Variants in EFTUD2 observed in about 807,000 individuals in gnomAD.
The protein encoded by EFTUD2 is 116 kDa U5 small nuclear ribonucleoprotein component.
EFTUD2 carries 9 observed loss-of-function variants against 114.3 expected under a neutral mutation model. That is an observed-to-expected ratio of 0.08 (90% CI 0.05 to 0.14). The LOEUF (loss-of-function observed/expected upper bound fraction) is 0.14. Among genes scored for constraint, EFTUD2 ranks in the 10% least tolerant of loss-of-function variants. EFTUD2 has a pLI of 1.00. For synonymous variants in EFTUD2, 449 were observed against 462.3 expected (o/e 0.97, Z 0.37); for missense variants, 765 against 1,241.2 (o/e 0.62, Z 5.76).
intron 19 of EFTUD2, among the ~76,000 whole-genome samples, 200 bp downstream of exon 19, chr17:44,858,880 G>A (rs1277123202): frequency 6.6e-6 from 1 of 152,090 alleles, no homozygotes; most frequent in Admixed American, 6.6e-5. Flanking sequence ...AAGCACGGCT[G>A]AGCCTTGATT....
At chr17:44,883,014 G>A in intron 6 of EFTUD2, 79 bp downstream of exon 6, 1 of 1,395,800 alleles carries the variant, frequency 7.2e-7, no homozygotes, top group Non-Finnish European at 1.0e-6. Flanking sequence ...AGAACAGGAA[G>A]GGTGAAGGAA....
intron 4 of EFTUD2, 29 bp from the exon 5 acceptor site, chr17:44,883,753 G>C: frequency 6.2e-7 from 1 of 1,610,984 alleles, no homozygotes. Flanking sequence ...AGAGAAAAGA[G>C]AGATTGGCAA....
chr17:44,873,970 A>G (rs1390379771), intron 10 of EFTUD2, among the ~76,000 whole-genome samples: 1 of 147,914 alleles, frequency 6.8e-6, no homozygotes, highest in Non-Finnish European at 1.5e-5. Flanking sequence ...TCCTGACCTC[A>G]TGATCCGCCC....
intron 4 of EFTUD2, 128 bp downstream of exon 4, chr17:44,885,128 A>G (rs1036705166): frequency 1.4e-6 from 1 of 706,032 alleles, no homozygotes; most frequent in African/African-American, 1.8e-5. Flanking sequence ...ACACAAGCTG[A>G]AGGAGAATTT....
chr17:44,854,441 G>A lies in EFTUD2; in HGVS notation c.2260-85C>T. The A allele has an allele frequency of 4.4e-6, 7 of 1,578,610 alleles. No homozygotes were observed. The highest frequency in any genetic ancestry group is 6.1e-6 in the Non-Finnish European group (7 of 1,157,012). On this transcript the variant is annotated intron_variant, in intron 22 of 27. Transcript: ENST00000426333. The surrounding 1 kb of genome is among the most constrained non-coding windows in gnomAD (Gnocchi z 4.3). ...GGGAGAAGACAGATGTGCCTGTAAG[G>A]GGATACTGTCCTTCACCAGAGGACA... is the stretch of plus-strand genomic sequence containing the variant.
chr17:44,859,773 T>G (rs2050622395), intron 18 of EFTUD2, 132 bp downstream of exon 18: 1 of 1,436,234 alleles, frequency 7.0e-7, no homozygotes, highest in Non-Finnish European at 9.5e-7. Flanking sequence ...AGCCATAGGC[T>G]GGGCTTGCTC....
At chr17:44,876,326 T>C (rs2050948406) in intron 9 of EFTUD2, among the ~76,000 whole-genome samples, 1 of 152,086 alleles carries the variant, frequency 6.6e-6, no homozygotes, top group African/African-American at 2.4e-5. Context: ...TGAACAATGA[T>C]GTTGGGAGCC....
At chr17:44,866,752 A>G (rs1198718080) in intron 13 of EFTUD2, among the ~76,000 whole-genome samples, 3 of 152,204 alleles carry the variant, frequency 2.0e-5, no homozygotes, top group Non-Finnish European at 4.4e-5. Context: ...CAGATTAATG[A>G]GCATAACTGA....
chr17:44,856,298 G>T (rs2050551904), intron 20 of EFTUD2, among the ~76,000 whole-genome samples: 1 of 149,320 alleles, frequency 6.7e-6, no homozygotes, highest in Non-Finnish European at 1.5e-5. Context: ...GGAGGCCGAG[G>T]CGGGCGGACT....
chr17:44,853,183 T>G, intron 25 of EFTUD2, 113 bp downstream of exon 25: 1 of 1,101,508 alleles, frequency 9.1e-7, no homozygotes, highest in Non-Finnish European at 1.3e-6. Context: ...CTCTCGGGGT[T>G]TCCAGAGAGA....
chr17:44,853,779 C>G, intron 23 of EFTUD2, 144 bp from the exon 24 acceptor site: 1 of 1,477,910 alleles, frequency 6.8e-7, no homozygotes, highest in Non-Finnish European at 9.0e-7. Context: ...GGTGGGCGTT[C>G]TAACTGAATA....
In EFTUD2 at chr17:44,854,838, T is replaced by C. The variant is rs1567729328; in HGVS notation, c.2132+80A>G. The C allele has an allele frequency of 1.9e-6, 3 of 1,565,138 alleles. No individual in the cohort carries two copies. The highest frequency in any genetic ancestry group is 1.1e-5 in the South Asian group (1 of 89,976). ...AAGACATAAATGCTCCCCAGAAAGA[T>C]GTGTGCTCTTAGAGACCCGGCAGTT... On this transcript the variant is annotated intron_variant, in intron 21 of 27. Transcript: ENST00000426333. This position sits in a 1 kb window ranked among gnomAD's most constrained non-coding sequence, Gnocchi z 4.3.
chr17:44,852,442 T>C lies in EFTUD2; in HGVS notation c.2682A>G (p.Gln894=). 6.2e-7 allele frequency: 1 copy of C among 1,614,060 alleles called. No individual in the cohort carries two copies. Among genetic ancestry groups the C allele is most frequent in the Non-Finnish European group, 8.5e-7 (1 of 1,180,004 alleles). ...GGTGGAAGACAGACAGAGAAAAGGC[T>C]TGTCCCTGGGTGTGAGTCCGGAGAT... ...ETDLRTHTQG[Q]AFSLSVFHHW... Residue 894 remains glutamine, a synonymous_variant, in exon 26 of 28, where the codon CAA becomes CAG. Transcript: ENST00000426333.
rs374723166 is a variant in EFTUD2, at chr17:44,879,500, G to A, written c.702+56C>T. On this transcript the variant is annotated intron_variant, in intron 9 of 27. Coordinates refer to ENST00000426333, the MANE Select transcript of EFTUD2 (RefSeq NM_004247.4). ...CACTCAGTGCTCTGGGTATTGTTGCGGGGTGGGGGCAAACATAACAGGTGG... is the reference window on the plus strand; with the variant it reads ...CACTCAGTGCTCTGGGTATTGTTGCAGGGTGGGGGCAAACATAACAGGTGG... The A allele has an allele frequency of 7.5e-5, 118 of 1,564,098 alleles. No homozygotes were observed. The Middle Eastern group carries it at 1.2e-3, about 16-fold the overall frequency.
chr17:44,883,919 C>T, intron 4 of EFTUD2, 195 bp from the exon 5 acceptor site: 2 of 599,392 alleles, frequency 3.3e-6, no homozygotes, highest in South Asian at 4.0e-5. Context: ...AGAGGTAACA[C>T]AATCTGTGAA....
chr17:44,855,245 G>C (rs1381778878), intron 20 of EFTUD2, among the ~76,000 whole-genome samples: 2 of 152,112 alleles, frequency 1.3e-5, no homozygotes, highest in African/African-American at 4.8e-5. Flanking sequence ...CTCCAGTCTG[G>C]GTGATACAGC....
intron 23 of EFTUD2, 34 bp from the exon 24 acceptor site, chr17:44,853,669 G>C (rs773903341): frequency 6.2e-7 from 1 of 1,610,302 alleles, no homozygotes. Context: ...ACTGGGGAGA[G>C]GTTCTGGGCC....
Position 44,885,379 on chromosome 17 carries a change from CAT to C in EFTUD2, c.272-47_272-46del, listed in dbSNP as rs768737987. ...TAGTGATGTGTAGGTGGGCATAAAA[CAT>C]AAAAATACGGAACACTATTCCATTA... is the stretch of plus-strand genomic sequence containing the variant. On this transcript the variant is annotated intron_variant, in intron 3 of 27. Coordinates refer to ENST00000426333, the MANE Select transcript of EFTUD2 (RefSeq NM_004247.4). 3.8e-6 allele frequency: 5 copies of C among 1,315,676 alleles called. No individual in the cohort carries two copies. The South Asian group carries it at 6.0e-5, about 16-fold the overall frequency. The allele number at this position is 1,315,676 out of a possible 1,614,324, so 81.5% of individuals were successfully genotyped here. A position where few individuals can be genotyped will look rare whatever the true frequency, so the allele number is the denominator to read the frequency against.
Position 44,853,270 on chromosome 17 carries a change from T to C in EFTUD2, c.2561+26A>G, listed in dbSNP as rs2050488809. The C allele has an allele frequency of 2.5e-6, 4 of 1,610,080 alleles. No homozygotes were observed. In the African/African-American group the frequency reaches 5.3e-5, roughly 21 times the overall value. On this transcript the variant is annotated intron_variant, in intron 25 of 27. Coordinates refer to ENST00000426333, the MANE Select transcript of EFTUD2 (RefSeq NM_004247.4). The stretch of plus-strand genomic sequence containing the variant: ...TGTTCTGCTCTTGCTCTCAGCACTC[T>C]CCCTAATACGCCTGGGGCCGCTCAC...
Sources: gnomAD v4.1 joint callset for allele counts (sites outside exome capture counted in the v4.1 genomes callset) on GRCh38, gnomAD v4.1.1 for gene constraint, Gnocchi (gnomAD v3.1) non-coding constraint, MANE v1.5 for transcripts, NCBI Gene and HGNC (gene_info 2026-07-23, HGNC 2026-07-21) for gene names.